The following IL23R variants were observed in gnomAD, a reference collection of about 807,000 sequenced individuals.
IL23R encodes the protein interleukin-23 receptor.
Under a neutral mutation model 56.9 loss-of-function variants are expected in IL23R, and 34 were observed. The ratio of observed to expected loss-of-function variants is 0.60; its 90% CI spans 0.45 to 0.80. The LOEUF is 0.80. Ranked by LOEUF, IL23R falls within the 30% of genes least tolerant of loss-of-function variation. The probability of loss-of-function intolerance (pLI) is 0.00; values close to 1 mark genes in which losing one functional copy is unlikely to be tolerated. For missense variants in IL23R, 635 were observed against 730.0 expected, an observed-to-expected ratio of 0.87 and a Z score of 1.50; for synonymous variants, 230 against 249.2, an observed-to-expected ratio of 0.92 and a Z score of 0.73.
chr1:67,211,124 G>T lies in IL23R; in HGVS notation c.798+4069G>T, dbSNP rs75093339. 2.4e-4 allele frequency among the ~76,000 whole-genome samples: 37 copies of T among 152,106 alleles called. No individual in the cohort carries two copies. In the East Asian group the frequency reaches 6.8e-3, roughly 28 times the overall value. The stretch of plus-strand genomic sequence containing the variant: ...ATGGTTGTTTGCATACACTTAAATG[G>T]GATCCACGTTCTGCATCATTTGATT... On this transcript the variant is annotated intron_variant, in intron 6 of 10. Transcript: ENST00000347310.
chr1:67,184,086 T>C (rs1248056325), intron 4 of IL23R, among the ~76,000 whole-genome samples: 1 of 150,974 alleles, frequency 6.6e-6, no homozygotes, highest in Non-Finnish European at 1.5e-5. Context: ...ATACAAAAAT[T>C]AGCTGGGCGT....
In IL23R at chr1:67,258,928, C is replaced by A. The variant is rs769458559; in HGVS notation, c.1690C>A (p.Gln564Lys). The change falls in exon 11 of 11, where the codon CAA becomes AAA. Residue 564 changes from glutamine to lysine, a missense_variant. Physicochemically the swap from Gln to Lys is moderately conservative, Grantham distance 53 (BLOSUM62 1). Coordinates refer to ENST00000347310, the MANE Select transcript of IL23R (RefSeq NM_144701.3). ...NQGECSSPDIQNSVEEETTML... is the reference protein window; with the variant it reads ...NQGECSSPDIKNSVEEETTML... Reference sequence around the variant, plus strand: ...AGGAGAATGCAGTTCTCCTGACATACAAAACTCAGTAGAGGAGGAAACCAC... The same window carrying A: ...AGGAGAATGCAGTTCTCCTGACATAAAAAACTCAGTAGAGGAGGAAACCAC... The A allele has an allele frequency of 3.3e-5, 54 of 1,614,034 alleles. 1 individual carries two copies. In the South Asian group the frequency reaches 5.9e-4, roughly 18 times the overall value.
chr1:67,257,627 G>T (rs563285054), intron 10 of IL23R, among the ~76,000 whole-genome samples: 3 of 152,270 alleles, frequency 2.0e-5, no homozygotes, highest in Admixed American at 6.5e-5. Flanking sequence ...GCCCAGAAAA[G>T]TCATCAGGCT....
In IL23R at chr1:67,211,961, G is replaced by A. The variant is rs531423473; in HGVS notation, c.798+4906G>A. On this transcript the variant is annotated intron_variant, in intron 6 of 10. Coordinates refer to ENST00000347310, the MANE Select transcript of IL23R (RefSeq NM_144701.3). ...AGTATTAGCTCCATTATATAAATAG[G>A]GAAATAGAGTTTGAAAGAAGTCAAG... Among the ~76,000 whole-genome samples the A allele has an allele frequency of 6.6e-5, 10 of 152,198 alleles. No homozygotes were observed. In the South Asian group the frequency reaches 1.9e-3, roughly 28 times the overall value.
chr1:67,249,267 C>T (rs151087356), intron 9 of IL23R, among the ~76,000 whole-genome samples: 41 of 152,164 alleles, frequency 2.7e-4, no homozygotes, highest in African/African-American at 9.4e-4. Flanking sequence ...GGATTCTTAC[C>T]GAGTCTAAAT....
At chr1:67,206,536 C>T (rs1036646799) in intron 5 of IL23R, among the ~76,000 whole-genome samples, 1 of 152,110 alleles carries the variant, frequency 6.6e-6, no homozygotes, top group African/African-American at 2.4e-5. Context: ...ATCATCTCTC[C>T]TCGAACAGAT....
At chr1:67,140,916 C>A (rs1181195491) in intron 1 of IL23R, among the ~76,000 whole-genome samples, 2 of 152,028 alleles carry the variant, frequency 1.3e-5, no homozygotes, top group Non-Finnish European at 1.5e-5. Flanking sequence ...TGATCAAGAT[C>A]ACAAATCTAG....
upstream of IL23R, among the ~76,000 whole-genome samples, chr1:67,165,498 A>G (rs11465747): frequency 0.019 from 2,923 of 152,302 alleles, 87 homozygotes; most frequent in African/African-American, 0.066. Context: ...AATCAGCACC[A>G]TGAGAGATAT....
intron 1 of IL23R, among the ~76,000 whole-genome samples, chr1:67,155,177 T>A (rs1337334317): frequency 2.0e-5 from 3 of 152,232 alleles, no homozygotes; most frequent in Non-Finnish European, 4.4e-5. Context: ...TCTGATGGGC[T>A]TCCCTTTGTA....
At chr1:67,179,899 G>A (rs55953530) in intron 3 of IL23R, among the ~76,000 whole-genome samples, 2 of 152,142 alleles carry the variant, frequency 1.3e-5, no homozygotes, top group Non-Finnish European at 2.9e-5. Flanking sequence ...TCAGGAGCAG[G>A]TTGTTCAGTT....
At chr1:67,205,873 A>ATCTTTCTT (rs200498214) in intron 5 of IL23R, among the ~76,000 whole-genome samples, 3,293 of 139,014 alleles carry the variant, frequency 0.024, 67 homozygotes, top group African/African-American at 0.047. Context: ...TTGAACATCC[A>ATCTTTCTT]TCTTTCTTTC....
upstream of IL23R, among the ~76,000 whole-genome samples, chr1:67,163,349 G>A (rs769433007): frequency 6.6e-6 from 1 of 151,342 alleles, no homozygotes; most frequent in Non-Finnish European, 1.5e-5. Flanking sequence ...GGTGTGTGTA[G>A]TCCCAGCTAC....
chr1:67,241,014 A>G (rs1411286203), intron 9 of IL23R, among the ~76,000 whole-genome samples: 1 of 152,222 alleles, frequency 6.6e-6, no homozygotes, highest in Non-Finnish European at 1.5e-5. Flanking sequence ...GGCACATACT[A>G]CTAAGTTAGG....
chr1:67,174,636 A>C (rs1646985741), intron 3 of IL23R, among the ~76,000 whole-genome samples: 1 of 152,052 alleles, frequency 6.6e-6, no homozygotes, highest in African/African-American at 2.4e-5. Flanking sequence ...ACACCTGAAA[A>C]GTGAATATTT....
chr1:67,202,972 C>A (rs1010690940), intron 5 of IL23R, among the ~76,000 whole-genome samples: 2 of 152,074 alleles, frequency 1.3e-5, no homozygotes, highest in Non-Finnish European at 2.9e-5. Flanking sequence ...CTTGACTATG[C>A]TCTATACATT....
In IL23R at chr1:67,139,695, A is replaced by G. The variant is rs142869637; in HGVS notation, c.-634+534A>G. ...TAATCTCCAGTGTGGCAGTATTGAG[A>G]GGTGAGGCCTTAATTTATATTTTTT... On this transcript the variant is annotated intron_variant, in intron 1 of 10. Coordinates refer to the IL23R transcript ENST00000637002. 9.1e-4 allele frequency among the ~76,000 whole-genome samples: 138 copies of G among 152,290 alleles called. 1 individual carries two copies. The East Asian group carries it at 0.021, about 23-fold the overall frequency.
chr1:67,160,824 A>G (rs879346832), intron 1 of IL23R, among the ~76,000 whole-genome samples: 2 of 152,172 alleles, frequency 1.3e-5, no homozygotes, highest in African/African-American at 2.4e-5. Context: ...AGCTAAGACT[A>G]CAGGTATGTG....
chr1:67,247,314 T>C (rs531806529), intron 9 of IL23R, among the ~76,000 whole-genome samples: 1 of 152,130 alleles, frequency 6.6e-6, no homozygotes, highest in East Asian at 1.9e-4. Flanking sequence ...TACTTTTTTT[T>C]TTTTTTTGAG....
At chr1:67,214,867 A>G (rs1649728159) in intron 6 of IL23R, among the ~76,000 whole-genome samples, 1 of 152,226 alleles carries the variant, frequency 6.6e-6, no homozygotes, top group South Asian at 2.1e-4. Flanking sequence ...CGAAACCAGG[A>G]CTGGGCCTGC....
Sources: allele counts gnomAD v4.1 joint callset (sites outside exome capture counted in the v4.1 genomes callset), GRCh38; gene constraint gnomAD v4.1.1; transcripts MANE v1.5; gene names NCBI Gene and HGNC (gene_info 2026-07-23, HGNC 2026-07-21).